LYN: variants seen among roughly 807,000 people sequenced by gnomAD.
The protein encoded by LYN is tyrosine-protein kinase Lyn.
In LYN, 12 loss-of-function variants were observed where a neutral mutation model predicts 65.0. That is an observed-to-expected ratio of 0.18 (90% CI 0.12 to 0.30). The LOEUF is 0.30. LYN is among the 10% of genes least tolerant of loss of function. LYN has a pLI of 1.00. For synonymous variants in LYN, 222 were observed against 221.2 expected, an observed-to-expected ratio of 1.00 and a Z score of -0.03; for missense variants, 380 against 623.2, an observed-to-expected ratio of 0.61 and a Z score of 4.16.
chr8:55,995,064 C>G (rs1338451036), intron 10 of LYN, among the ~76,000 whole-genome samples: 2 of 152,152 alleles, frequency 1.3e-5, no homozygotes, highest in Non-Finnish European at 2.9e-5. Context: ...CAAAAGGAAA[C>G]AGAGGCAGGG....
intron 10 of LYN, among the ~76,000 whole-genome samples, chr8:55,997,484 G>C (rs1240030642): frequency 1.3e-5 from 2 of 152,132 alleles, no homozygotes; most frequent in East Asian, 3.9e-4. Context: ...GCACCATATA[G>C]CTGTGTCCTC....
chr8:55,933,262 T>C (rs1312757418), intron 1 of LYN, among the ~76,000 whole-genome samples: 1 of 152,184 alleles, frequency 6.6e-6, no homozygotes, highest in African/African-American at 2.4e-5. Flanking sequence ...AAGATACCAA[T>C]TTTGGTGAAC....
At chr8:55,944,253 TA>T (rs1010750594) in intron 2 of LYN, among the ~76,000 whole-genome samples, 1 of 152,084 alleles carries the variant, frequency 6.6e-6, no homozygotes, top group Non-Finnish European at 1.5e-5. Context: ...ATATAAAATT[TA>T]AAAACCTATT....
At chr8:55,906,462 T>TGAAG (rs573266671) in intron 1 of LYN, among the ~76,000 whole-genome samples, 217 of 152,188 alleles carry the variant, frequency 1.4e-3, no homozygotes, top group Admixed American at 3.0e-3. Flanking sequence ...TGGCTTCAAG[T>TGAAG]GATTCACCTT....
At chr8:55,994,423 G>T (rs909118250) in intron 10 of LYN, among the ~76,000 whole-genome samples, 1 of 152,310 alleles carries the variant, frequency 6.6e-6, no homozygotes, top group Non-Finnish European at 1.5e-5. Context: ...TAGGTTTGTT[G>T]CAAGTCTGTT....
At chr8:55,970,634 C>A (rs991320110) in intron 10 of LYN, among the ~76,000 whole-genome samples, 1 of 152,110 alleles carries the variant, frequency 6.6e-6, no homozygotes, top group Non-Finnish European at 1.5e-5. Flanking sequence ...CTCACACCCT[C>A]TTTTAGTTAG....
chr8:56,013,893 C>T lies in LYN; in HGVS notation c.*3783C>T, dbSNP rs940877542. 1 of 152,162 alleles carries T rather than the reference C, an allele frequency of 6.6e-6. No individual in the cohort carries two copies. Among genetic ancestry groups the T allele is most frequent in the East Asian group, 1.9e-4 (1 of 5,202 alleles). The allele number at this position is 152,162 out of a possible 1,614,324, so 9.4% of individuals were successfully genotyped here. On this transcript the variant is annotated 3_prime_UTR_variant, in exon 13 of 13. Transcript: ENST00000519728. ...CTCTATTCCCTACATTTTAACTCCA[C>T]GAATATTTTAGATTAAGTGAAGTCT... is the stretch of plus-strand genomic sequence containing the variant.
intron 1 of LYN, among the ~76,000 whole-genome samples, chr8:55,887,863 G>C (rs2130355197): frequency 6.6e-6 from 1 of 152,138 alleles, no homozygotes; most frequent in East Asian, 1.9e-4. Flanking sequence ...GGCTGCCTCA[G>C]CCTCCCGAAA....
In LYN at chr8:55,899,639, CTTTTCTTTTCTT is replaced by C. The variant is rs889699357; in HGVS notation, c.-6+19553_-6+19564del. Among the ~76,000 whole-genome samples the C allele has an allele frequency of 1.2e-3, 184 of 152,160 alleles. 1 individual carries two copies. The highest frequency in any genetic ancestry group is 1.3e-3 in the Admixed American group (20 of 15,268). ...AGTTGGTACAGTTATCATCCCTTTTCTTTTCTTTTCTTTTTTCTTTTCTTTTTTGAGATGGGG... is the reference window on the plus strand; with the variant it reads ...AGTTGGTACAGTTATCATCCCTTTTCTTTTCTTTTCTTTTTTGAGATGGGG... On this transcript the variant is annotated intron_variant, in intron 1 of 12. Transcript: ENST00000519728.
intron 10 of LYN, among the ~76,000 whole-genome samples, chr8:55,988,728 G>A (rs192941922): frequency 2.6e-5 from 4 of 152,200 alleles, no homozygotes; most frequent in Admixed American, 1.3e-4. Flanking sequence ...GACAGGTTGC[G>A]TTTTCAGTTC....
chr8:55,972,627 GA>G (rs1358011697), intron 10 of LYN, among the ~76,000 whole-genome samples: 7 of 152,160 alleles, frequency 4.6e-5, no homozygotes, highest in African/African-American at 7.2e-5. Flanking sequence ...TCTGTGCCAA[GA>G]AGGCCATCTC....
chr8:55,884,182 C>T (rs891505546), intron 1 of LYN, among the ~76,000 whole-genome samples: 1 of 152,198 alleles, frequency 6.6e-6, no homozygotes, highest in African/African-American at 2.4e-5. Context: ...TCACGGCAAT[C>T]TCCGCCTCCT....
intron 1 of LYN, among the ~76,000 whole-genome samples, chr8:55,881,032 G>A (rs1804641877): frequency 6.6e-6 from 1 of 152,166 alleles, no homozygotes; most frequent in Admixed American, 6.5e-5. Flanking sequence ...TTAGGGGACC[G>A]ATTATTGAAA....
At chr8:55,898,238 T>A (rs1186610208) in intron 1 of LYN, among the ~76,000 whole-genome samples, 1 of 152,208 alleles carries the variant, frequency 6.6e-6, no homozygotes, top group Non-Finnish European at 1.5e-5. Flanking sequence ...ATAAATAGAT[T>A]CATACTGTAT....
At chr8:55,888,830 G>T (rs1000812753) in intron 1 of LYN, among the ~76,000 whole-genome samples, 1 of 151,956 alleles carries the variant, frequency 6.6e-6, no homozygotes, top group South Asian at 2.1e-4. Context: ...TGGCCACCAC[G>T]CCTGGCCGAA....
At chr8:55,978,974 G>C (rs1807838876) in intron 10 of LYN, among the ~76,000 whole-genome samples, 1 of 151,162 alleles carries the variant, frequency 6.6e-6, no homozygotes, top group Non-Finnish European at 1.5e-5. Context: ...ATGCTTCCCT[G>C]ACCGCTCAGC....
intron 1 of LYN, among the ~76,000 whole-genome samples, chr8:55,934,726 T>G (rs1275282009): frequency 6.6e-6 from 1 of 152,162 alleles, no homozygotes; most frequent in Non-Finnish European, 1.5e-5. Context: ...CCTCCTGTGT[T>G]GAGGGGGGTG....
chr8:56,013,459 T>TG lies in LYN; in HGVS notation c.*3353dup, dbSNP rs1488260638. 6.6e-6 allele frequency: 1 copy of TG among 152,066 alleles called. No homozygotes were observed. The highest frequency in any genetic ancestry group is 2.4e-5 in the African/African-American group (1 of 41,384). The allele number at this position is 152,066 out of a possible 1,614,324, so 9.4% of individuals were successfully genotyped here. A position where few individuals can be genotyped will look rare whatever the true frequency, so the allele number is the denominator to read the frequency against. ...CTAATTTTTGTATTTTTAGTAGAGA[T>TG]GGGGTTTCACCATGTTAGCCAGGCT... On this transcript the variant is annotated 3_prime_UTR_variant, in exon 13 of 13. Coordinates refer to ENST00000519728, the MANE Select transcript of LYN (RefSeq NM_002350.4).
At chr8:55,941,192 G>T (rs1806600908) in intron 1 of LYN, among the ~76,000 whole-genome samples, 1 of 151,954 alleles carries the variant, frequency 6.6e-6, no homozygotes, top group African/African-American at 2.4e-5. Flanking sequence ...ACTCCACCTT[G>T]CACACTGCAG....
Sources: allele counts gnomAD v4.1 joint callset (sites outside exome capture counted in the v4.1 genomes callset), GRCh38; gene constraint gnomAD v4.1.1; transcripts MANE v1.5; gene names NCBI Gene and HGNC (gene_info 2026-07-23, HGNC 2026-07-21).